Variants in CEP131 observed in about 807,000 individuals in gnomAD.
The protein encoded by CEP131 is centrosomal protein of 131 kDa.
CEP131 carries 99 observed loss-of-function variants against 136.8 expected under a neutral mutation model. The observed-to-expected ratio is 0.72, with a 90% CI of 0.62 to 0.86. The LOEUF (loss-of-function observed/expected upper bound fraction) is 0.86. Ranked by LOEUF, CEP131 falls within the 40% of genes least tolerant of loss-of-function variation. CEP131 has a pLI of 0.00. For missense variants in CEP131, 1,459 were observed against 1,463.0 expected, an observed-to-expected ratio of 1.00 and a Z score of 0.04; for synonymous variants, 646 against 612.7, an observed-to-expected ratio of 1.05 and a Z score of -0.80.
In CEP131 at chr17:81,201,204, G is replaced by C. The variant is rs959920899; in HGVS notation, c.789-758C>G. Among the ~76,000 whole-genome samples the C allele has an allele frequency of 7.2e-5, 11 of 152,308 alleles. No homozygotes were observed. In the South Asian group the frequency reaches 1.9e-3, roughly 26 times the overall value. ...GGAGCAGTCTGCCCCGGGCAGAACT[G>C]GGGGGCTTCAAGGGGTTGCGGGCTT... On this transcript the variant is annotated intron_variant, in intron 7 of 25. Coordinates refer to ENST00000450824, the MANE Select transcript of CEP131 (RefSeq NM_014984.4).
Position 81,197,282 on chromosome 17 carries a change from A to G in CEP131, c.1648-227T>C, listed in dbSNP as rs2061781110. The G allele has an allele frequency of 1.8e-5, 11 of 612,764 alleles. No homozygotes were observed. In the South Asian group the frequency reaches 2.3e-4, roughly 13 times the overall value. The allele number at this position is 612,764 out of a possible 1,614,324, so 38.0% of individuals were successfully genotyped here. ...CTCAGGAATAAAAAACAAACCATTT[A>G]AAAAGTTCTATGCTGCCCAGCTTCC... On this transcript the variant is annotated intron_variant, in intron 13 of 25. Coordinates refer to ENST00000450824, the MANE Select transcript of CEP131 (RefSeq NM_014984.4).
At chr17:81,204,767 C>A (rs941385892) in intron 5 of CEP131, among the ~76,000 whole-genome samples, 1 of 150,252 alleles carries the variant, frequency 6.7e-6, no homozygotes, top group East Asian at 1.9e-4. Context: ...CACACCTGCA[C>A]CGGACCGCAC....
chr17:81,198,351 C>G, intron 11 of CEP131, 54 bp from the exon 12 acceptor site: 1 of 1,508,632 alleles, frequency 6.6e-7, no homozygotes, highest in East Asian at 2.5e-5. Flanking sequence ...CTGAGAGCAG[C>G]CCCCACATAG....
chr17:81,217,229 C>T (rs936352470), intron 2 of CEP131, among the ~76,000 whole-genome samples: 1 of 152,112 alleles, frequency 6.6e-6, no homozygotes, highest in Non-Finnish European at 1.5e-5. Context: ...TACAGTCTGG[C>T]ACCGACATCT....
Position 81,199,517 on chromosome 17 carries a change from C to G in CEP131, c.1056G>C (p.Gln352His). 6.2e-7 allele frequency: 1 copy of G among 1,608,682 alleles called. No individual in the cohort carries two copies. Among genetic ancestry groups the G allele is most frequent in the Non-Finnish European group, 8.5e-7 (1 of 1,178,080 alleles). The change falls in exon 10 of 26, where the codon CAG (glutamine) becomes CAC (histidine). Residue 352 changes from glutamine to histidine, a missense_variant. Physicochemically the swap from Gln to His is conservative, Grantham distance 24 (BLOSUM62 0). Transcript: ENST00000450824. Reference protein sequence around the residue: ...ELQQKRALRAQKASTAERGPP... With the variant: ...ELQQKRALRAHKASTAERGPP... ...GCCCACGCTCGGCAGTGCTCGCCTT[C>G]TGGGCTCTCAGGGCTCGTTTCTGTT...
rs1271193423 is a variant in CEP131 at position 81,192,843 on chromosome 17, C to G, written c.2322G>C (p.Arg774=). 5 of 1,597,086 alleles carry G rather than the reference C, an allele frequency of 3.1e-6. No individual in the cohort carries two copies. The highest frequency in any genetic ancestry group is 4.2e-6 in the Non-Finnish European group (5 of 1,179,064). ...GCTCCTGCTCCAGGTGCTGCTGGAA[C>G]CTGCGGGACGGTCAGGACTGGCTCT... ...GQQERERARQ[R]FQQHLEQEQW... is the part of the protein sequence containing the mutation. Residue 774 remains arginine (R), a splice_region_variant and synonymous_variant, in exon 19 of 26, where the codon CGG becomes CGC. Coordinates refer to ENST00000450824, the MANE Select transcript of CEP131 (RefSeq NM_014984.4).
Position 81,194,883 on chromosome 17 carries a change from C to T in CEP131, c.2106G>A (p.Glu702=), listed in dbSNP as rs750333661. Residue 702 remains glutamate, a synonymous_variant, in exon 17 of 26, where the codon GAG becomes GAA. Transcript: ENST00000450824. ...GGGAGGGCCCACCTCGGACAGTGAC[C>T]TCCTTGATCTTCTTGGTTTTCTCAC... ...WISEKTKKIK[E]VTVRGLEPEI... The T allele has an allele frequency of 1.2e-5, 20 of 1,613,394 alleles. No homozygotes were observed. The East Asian group carries it at 4.2e-4, about 34-fold the overall frequency.
intron 4 of CEP131, 65 bp from the exon 5 acceptor site, chr17:81,206,936 T>G: frequency 1.9e-6 from 3 of 1,569,998 alleles, no homozygotes; most frequent in Non-Finnish European, 1.7e-6. Flanking sequence ...CTTCCCTGCC[T>G]CTCCCACAAA....
intron 2 of CEP131, among the ~76,000 whole-genome samples, chr17:81,218,646 T>C (rs9319617): frequency 0.46 from 70,100 of 152,312 alleles, 16,580 homozygotes; most frequent in Non-Finnish European, 0.5. Context: ...CCCGCCCTGC[T>C]GGCCCAGGCT....
At chr17:81,200,556 TC>T in intron 7 of CEP131, 110 bp from the exon 8 acceptor site, 2 of 790,812 alleles carry the variant, frequency 2.5e-6, no homozygotes, top group Non-Finnish European at 4.2e-6. Flanking sequence ...GCGGCTGCAC[TC>T]AAGTAGCCCT....
chr17:81,193,736 G>T (rs1353735227), intron 18 of CEP131, among the ~76,000 whole-genome samples, 190 bp downstream of exon 18: 1 of 152,194 alleles, frequency 6.6e-6, no homozygotes, highest in Non-Finnish European at 1.5e-5. Flanking sequence ...GCAGACACAA[G>T]CCCGAGGACA....
Position 81,199,368 on chromosome 17 carries a change from G to C in CEP131, c.1192+13C>G. The C allele has an allele frequency of 6.3e-7, 1 of 1,593,058 alleles. No individual in the cohort carries two copies. Among genetic ancestry groups the C allele is most frequent in the South Asian group, 1.1e-5 (1 of 88,266 alleles). On this transcript the variant is annotated intron_variant, in intron 10 of 25. Transcript: ENST00000450824. ...CACCCCCCAGAGCAGGGCGGGCGTGGAGCCACTCTCACCAGTATTGTTGGC... is the reference window on the plus strand; with the variant it reads ...CACCCCCCAGAGCAGGGCGGGCGTGCAGCCACTCTCACCAGTATTGTTGGC...
At chr17:81,222,148 A>G (rs2062402208) in intron 1 of CEP131, among the ~76,000 whole-genome samples, 1 of 152,194 alleles carries the variant, frequency 6.6e-6, no homozygotes, top group Non-Finnish European at 1.5e-5. Flanking sequence ...CGGCTCTGGG[A>G]TGGCGAACGG....
chr17:81,218,659 G>A (rs1284953594), intron 2 of CEP131, among the ~76,000 whole-genome samples: 1 of 152,274 alleles, frequency 6.6e-6, no homozygotes, highest in East Asian at 1.9e-4. Flanking sequence ...CCCAGGCTTT[G>A]GGAACCTGCT....
intron 21 of CEP131, among the ~76,000 whole-genome samples, chr17:81,192,098 C>T (rs1266933777): frequency 2.0e-5 from 3 of 152,110 alleles, no homozygotes; most frequent in Non-Finnish European, 2.9e-5. Context: ...AGGATGCGCT[C>T]CAGGCACCCT....
chr17:81,195,262 G>A (rs980074077), intron 16 of CEP131, among the ~76,000 whole-genome samples: 14 of 152,234 alleles, frequency 9.2e-5, no homozygotes, highest in Admixed American at 2.6e-4. Context: ...CTGTCGGGAC[G>A]GCCCCAGAGC....
rs753738447 is a variant in CEP131 at position 81,202,359 on chromosome 17, G to T, written c.669C>A (p.Ser223Arg). ...IKAATCEGSESSGFGKLPKNV... is the reference protein window; with the variant it reads ...IKAATCEGSERSGFGKLPKNV... ...TCTTCGGCAGCTTCCCAAAGCCGCT[G>T]CTCTCACTGCCCTCACAGGTGGCTG... The change falls in exon 7 of 26, where the codon AGC becomes AGA. Residue 223 changes from serine (S) to arginine (R), a missense_variant. Around this residue, in one of 3 missense-constraint regions of CEP131, gnomAD observed 246 missense variants for 318.9 expected, o/e 0.77. Transcript: ENST00000450824. 6.8e-6 allele frequency: 11 copies of T among 1,613,624 alleles called. No homozygotes were observed. Among genetic ancestry groups the T allele is most frequent in the African/African-American group, 1.3e-5 (1 of 75,070 alleles).
intron 8 of CEP131, 24 bp downstream of exon 8, chr17:81,200,305 A>C (rs138633510): frequency 0.017 from 26,976 of 1,571,928 alleles, 283 homozygotes; most frequent in Non-Finnish European, 0.02. Flanking sequence ...GGGAGCATGG[A>C]GTGACTGAGA....
Position 81,199,938 on chromosome 17 carries a change from T to C in CEP131, c.907-103A>G, listed in dbSNP as rs985221241. On this transcript the variant is annotated intron_variant, in intron 8 of 25. Coordinates refer to ENST00000450824, the MANE Select transcript of CEP131 (RefSeq NM_014984.4). The stretch of plus-strand genomic sequence containing the variant: ...ACGCCCTGGAGTCCCCTAGAGTTCG[T>C]GGAATCTCAGGGCCAGCAGGGAAAG... The C allele has an allele frequency of 1.0e-5, 12 of 1,189,710 alleles. No homozygotes were observed. The Admixed American group carries it at 1.4e-4, about 14-fold the overall frequency. 73.7% of individuals were successfully genotyped at this position (1,189,710 alleles called of 1,614,324 possible).
Sources: allele counts gnomAD v4.1 joint callset (sites outside exome capture counted in the v4.1 genomes callset), GRCh38; gene constraint gnomAD v4.1.1; regional missense constraint gnomAD v4.1.1; transcripts MANE v1.5; gene names NCBI Gene and HGNC (gene_info 2026-07-23, HGNC 2026-07-21).